Variants in PCDH11X observed in about 807,000 individuals in gnomAD.
PCDH11X encodes the protein protocadherin 11 X-linked.
Under a neutral mutation model 53.3 loss-of-function variants are expected in PCDH11X, and 18 were observed. The observed-to-expected ratio is 0.34, with a 90% CI of 0.23 to 0.50. The LOEUF (loss-of-function observed/expected upper bound fraction) is 0.50, where lower values mean the gene tolerates loss of function less well. PCDH11X is among the 20% of genes least tolerant of loss of function. The pLI is 0.98. For missense variants in PCDH11X, 570 were observed against 1,032.4 expected, an observed-to-expected ratio of 0.55 and a Z score of 6.14; for synonymous variants, 279 against 393.3, an observed-to-expected ratio of 0.71 and a Z score of 3.44.
chrX:92,018,386 A>AT (rs2062831134), intron 6 of PCDH11X, among the ~76,000 whole-genome samples: 1 of 112,375 alleles, frequency 8.9e-6, no homozygotes, highest in Non-Finnish European at 1.9e-5. Flanking sequence ...TAAGTAGAGC[A>AT]TTTTTTAATG....
Position 92,265,401 on chromosome X carries a change from G to A in PCDH11X, c.3144+2258G>A, listed in dbSNP as rs182991654. Among the ~76,000 whole-genome samples the A allele has an allele frequency of 3.8e-3, 422 of 110,593 alleles. 1 individual carries two copies. Among genetic ancestry groups the A allele is most frequent in the Middle Eastern group, 9.2e-3 (2 of 217 alleles). ...CGAGCTCAGGGGCCCGTGGGAAGGC[G>A]AAAATCCTGACAAAATTTGGGTTAA... On this transcript the variant is annotated intron_variant, in intron 8 of 10. Transcript: ENST00000682573.
chrX:92,042,543 A>G (rs1401261825), intron 6 of PCDH11X, among the ~76,000 whole-genome samples: 1 of 105,478 alleles, frequency 9.5e-6, no homozygotes, highest in Non-Finnish European at 1.9e-5. Context: ...TCTCTCAATG[A>G]ACTACATTTA....
At chrX:92,446,127 T>G (rs2072636418) in intron 9 of PCDH11X, among the ~76,000 whole-genome samples, 1 of 104,424 alleles carries the variant, frequency 9.6e-6, no homozygotes, top group South Asian at 4.4e-4. Context: ...TTAGAAATTC[T>G]TCTTCAAGGC....
chrX:92,597,969 T>A lies in PCDH11X; in HGVS notation c.3368-20295T>A, dbSNP rs1472919575. ...TAAATAGTGCTGGGAAAACTGGATA[T>A]TCACATGCTGAAGAATGAGACTAGA... On this transcript the variant is annotated intron_variant, in intron 10 of 10. Coordinates refer to ENST00000682573, the MANE Select transcript of PCDH11X (RefSeq NM_032968.5). 6.3e-5 allele frequency among the ~76,000 whole-genome samples: 7 copies of A among 111,598 alleles called. No homozygotes were observed. The South Asian group carries it at 2.6e-3, about 41-fold the overall frequency.
At position 92,612,060 on chromosome X, in the gene PCDH11X, T is replaced by C. The variant is rs1447822265; in HGVS notation, c.3368-6204T>C. ...ATTGGCCTATAATTTTCATTTTTTG[T>C]TGTGTCTTTGCCAGGTTTTGGTATC... is the stretch of plus-strand genomic sequence containing the variant. On this transcript the variant is annotated intron_variant, in intron 10 of 10. Coordinates refer to ENST00000682573, the MANE Select transcript of PCDH11X (RefSeq NM_032968.5). Among the ~76,000 whole-genome samples the C allele has an allele frequency of 7.3e-5, 8 of 109,972 alleles. No homozygotes were observed. The East Asian group carries it at 2.3e-3, about 32-fold the overall frequency.
Position 92,618,824 on chromosome X carries a change from A to G in PCDH11X, c.3928A>G (p.Arg1310Gly). 2.5e-6 allele frequency: 3 copies of G among 1,211,997 alleles called. No homozygotes were observed. The highest frequency in any genetic ancestry group is 2.3e-4 in the Middle Eastern group (1 of 4,349). Residue 1310 changes from arginine to glycine, a missense_variant, in exon 11 of 11, where the codon AGA becomes GGA. Around this residue, in one of 6 missense-constraint regions of PCDH11X, gnomAD observed 234 missense variants for 296.1 expected, o/e 0.79. Transcript: ENST00000682573. ...ATSQFYTMSE[R>G]LHPSDDSIKV... is the part of the protein sequence containing the mutation. ...ATCTCAGTTTTACACCATGTCTGAA[A>G]GACTTCATCCCAGTGATGATTCAAT...
intron 9 of PCDH11X, among the ~76,000 whole-genome samples, chrX:92,464,956 G>T (rs2073129160): frequency 9.0e-6 from 1 of 111,253 alleles, no homozygotes; most frequent in African/African-American, 3.3e-5. Flanking sequence ...CTTTGCATAA[G>T]AAAATGAGAA....
chrX:92,034,213 G>A (rs2063094273), intron 6 of PCDH11X, among the ~76,000 whole-genome samples: 1 of 111,397 alleles, frequency 9.0e-6, no homozygotes, highest in Non-Finnish European at 1.9e-5. Flanking sequence ...AGAAAAGAAT[G>A]CGTATTATGC....
At chrX:92,225,796 A>T (rs1480471336) in intron 7 of PCDH11X, among the ~76,000 whole-genome samples, 2 of 112,073 alleles carry the variant, frequency 1.8e-5, no homozygotes, top group African/African-American at 6.5e-5. Context: ...CTCCTGGTTT[A>T]TGTGAGAATT....
At chrX:92,105,122 C>T (rs1281401246) in intron 6 of PCDH11X, among the ~76,000 whole-genome samples, 1 of 111,406 alleles carries the variant, frequency 9.0e-6, no homozygotes, top group Non-Finnish European at 1.9e-5. Context: ...TGACCGGCAC[C>T]GGAGTTTTGG....
intron 8 of PCDH11X, among the ~76,000 whole-genome samples, chrX:92,336,874 A>G (rs1479405735): frequency 9.0e-6 from 1 of 110,699 alleles, no homozygotes; most frequent in Non-Finnish European, 1.9e-5. Context: ...GCCCTACCAA[A>G]CAATTCATAC....
chrX:92,470,085 T>C (rs2750746), intron 10 of PCDH11X, among the ~76,000 whole-genome samples: 1 of 110,880 alleles, frequency 9.0e-6, no homozygotes, highest in East Asian at 2.8e-4. Context: ...CAAAGTTTTA[T>C]AGTGTTCATT....
intron 5 of PCDH11X, among the ~76,000 whole-genome samples, chrX:91,861,644 C>T (rs1938679207): frequency 1.8e-5 from 2 of 111,917 alleles, no homozygotes; most frequent in African/African-American, 6.5e-5. Flanking sequence ...CTACCTACCG[C>T]TGGGTCCAAC....
chrX:92,386,346 G>A (rs907171797), intron 8 of PCDH11X, among the ~76,000 whole-genome samples: 1 of 111,680 alleles, frequency 9.0e-6, no homozygotes, highest in African/African-American at 3.2e-5. Flanking sequence ...TGCCTAGGAT[G>A]TAAATTCTTG....
rs551410823 is a variant in PCDH11X at position 92,087,824 on chromosome X, A to G, written c.3034-113551A>G. ...ATATCATTTTGCCCTCCAAATATGT[A>G]CTCGTAATGGCAAATAATGAGTTAT... On this transcript the variant is annotated intron_variant, in intron 6 of 10. Coordinates refer to ENST00000682573, the MANE Select transcript of PCDH11X (RefSeq NM_032968.5). Among the ~76,000 whole-genome samples the G allele has an allele frequency of 2.3e-4, 25 of 109,358 alleles. No individual in the cohort carries two copies. In the South Asian group the frequency reaches 9.8e-3, roughly 43 times the overall value. The allele number at this position is 109,358 out of a possible 115,157, so 95.0% of individuals were successfully genotyped here. A position where few individuals can be genotyped will look rare whatever the true frequency, so the allele number is the denominator to read the frequency against.
intron 7 of PCDH11X, among the ~76,000 whole-genome samples, chrX:92,227,887 T>C (rs181047568): frequency 5.1e-4 from 57 of 111,611 alleles, no homozygotes; most frequent in Admixed American, 2.2e-3. Flanking sequence ...AATAGTTGTA[T>C]ATATTTTATG....
chrX:92,454,442 C>T (rs778376204), intron 9 of PCDH11X, among the ~76,000 whole-genome samples: 1 of 110,158 alleles, frequency 9.1e-6, no homozygotes, highest in Non-Finnish European at 1.9e-5. Context: ...GTCAGAAATG[C>T]TCTATTTTGG....
At chrX:92,253,596 G>T (rs1453068770) in intron 7 of PCDH11X, among the ~76,000 whole-genome samples, 3 of 111,265 alleles carry the variant, frequency 2.7e-5, no homozygotes, top group Non-Finnish European at 5.7e-5. Context: ...CTAATTTTTG[G>T]TGTCCTCTTC....
At chrX:92,258,855 C>T (rs62598501) in intron 7 of PCDH11X, among the ~76,000 whole-genome samples, 13,370 of 111,558 alleles carry the variant, frequency 0.12, 1,220 homozygotes, top group African/African-American at 0.31. Context: ...TTAGAAGCAG[C>T]AAGGCAACAT....
Sources: allele counts gnomAD v4.1 joint callset (sites outside exome capture counted in the v4.1 genomes callset), GRCh38; gene constraint gnomAD v4.1.1; regional missense constraint gnomAD v4.1.1; transcripts MANE v1.5; gene names NCBI Gene and HGNC (gene_info 2026-07-23, HGNC 2026-07-21).